Variants in RAB3IP observed in about 807,000 individuals in gnomAD.
RAB3IP encodes RAB3A interacting protein, also known as rab-3A-interacting protein.
Under a neutral mutation model 59.1 loss-of-function variants are expected in RAB3IP, and 36 were observed. The observed-to-expected ratio is 0.61, with a 90% CI of 0.47 to 0.80. RAB3IP has a LOEUF of 0.80. RAB3IP is among the 30% of genes least tolerant of loss of function. The probability of loss-of-function intolerance (pLI) is 0.00; values close to 1 mark genes in which losing one functional copy is unlikely to be tolerated. For synonymous variants in RAB3IP, 207 were observed against 191.2 expected (o/e 1.08, Z -0.68); for missense variants, 511 against 536.0 (o/e 0.95, Z 0.46).
chr12:69,784,586 A>G (rs1398301595), intron 3 of RAB3IP, 134 bp from the exon 4 acceptor site: 2 of 382,328 alleles, frequency 5.2e-6, no homozygotes, highest in Admixed American at 8.9e-5. Flanking sequence ...GGTGCTAGAT[A>G]AATACTTTCA....
intron 3 of RAB3IP, among the ~76,000 whole-genome samples, chr12:69,780,549 C>G (rs1874519876): frequency 6.6e-6 from 1 of 152,210 alleles, no homozygotes; most frequent in South Asian, 2.1e-4. Flanking sequence ...AGAGTGGGAT[C>G]CTTTAGGACC....
In RAB3IP at chr12:69,801,718, C is replaced by T. The variant is rs185097482; in HGVS notation, c.1127C>T (p.Pro376Leu). The stretch of plus-strand genomic sequence containing the variant: ...GCTTCTGCAGTTGAATGCGGAGGAC[C>T]AAAGTAGGTTTTTACGTGCATGAAC... Reference protein sequence around the residue: ...VKASAVECGGPKKCALTGQSK... With the variant: ...VKASAVECGGLKKCALTGQSK... The change falls in exon 8 of 11, where the codon CCA becomes CTA. Residue 376 changes from proline (P) to leucine (L), a missense_variant. Pro to Leu is a moderately conservative substitution (Grantham distance 98, BLOSUM62 -3). Transcript: ENST00000247833. The T allele has an allele frequency of 1.9e-6, 3 of 1,599,362 alleles. No homozygotes were observed. The highest frequency in any genetic ancestry group is 2.7e-5 in the African/African-American group (2 of 74,558).
At chr12:69,760,262 A>G (rs916310583) in intron 3 of RAB3IP, among the ~76,000 whole-genome samples, 1 of 152,242 alleles carries the variant, frequency 6.6e-6, no homozygotes, top group African/African-American at 2.4e-5. Context: ...CGCCTGCAAT[A>G]GCAGGCACTC....
intron 8 of RAB3IP, among the ~76,000 whole-genome samples, chr12:69,810,247 G>C (rs966705584): frequency 6.6e-6 from 1 of 152,284 alleles, no homozygotes; most frequent in East Asian, 1.9e-4. Flanking sequence ...CTGCCTGATC[G>C]TTCCTCTGGA....
At chr12:69,759,369 T>C (rs1870817096) in intron 3 of RAB3IP, among the ~76,000 whole-genome samples, 1 of 152,082 alleles carries the variant, frequency 6.6e-6, no homozygotes, top group Admixed American at 6.5e-5. Flanking sequence ...AAATGAAGTC[T>C]CCTATGTCTA....
intron 1 of RAB3IP, among the ~76,000 whole-genome samples, chr12:69,740,410 T>A (rs1238501880): frequency 6.6e-6 from 1 of 152,268 alleles, no homozygotes; most frequent in Admixed American, 6.5e-5. Flanking sequence ...GTGGAATTTA[T>A]AGAAATAAAC....
chr12:69,747,270 A>T (rs1056000576), intron 1 of RAB3IP, among the ~76,000 whole-genome samples: 1 of 151,484 alleles, frequency 6.6e-6, no homozygotes, highest in Non-Finnish European at 1.5e-5. Context: ...GGAGATAGGT[A>T]CAGTTTTCTC....
At chr12:69,789,814 A>G (rs79282615) in intron 4 of RAB3IP, among the ~76,000 whole-genome samples, 3,226 of 152,304 alleles carry the variant, frequency 0.021, 118 homozygotes, top group African/African-American at 0.073. Flanking sequence ...AACCACAGTA[A>G]TAGAATGATA....
intron 1 of RAB3IP, among the ~76,000 whole-genome samples, chr12:69,745,734 C>T (rs1252445740): frequency 5.3e-5 from 8 of 152,110 alleles, no homozygotes; most frequent in Middle Eastern, 3.4e-3. Context: ...TAGGTATACA[C>T]GTGCCATGGT....
chr12:69,767,108 C>G (rs988061725), intron 3 of RAB3IP, among the ~76,000 whole-genome samples: 1 of 152,172 alleles, frequency 6.6e-6, no homozygotes, highest in Non-Finnish European at 1.5e-5. Context: ...GATTGCACTT[C>G]TAATTTTTGT....
At chr12:69,793,701 T>C (rs1382628735) in intron 4 of RAB3IP, among the ~76,000 whole-genome samples, 2 of 152,228 alleles carry the variant, frequency 1.3e-5, no homozygotes, top group African/African-American at 2.4e-5. Context: ...TCCGATGTTT[T>C]ATTTGGTTAA....
intron 1 of RAB3IP, among the ~76,000 whole-genome samples, chr12:69,754,315 A>G (rs1321083095): frequency 6.9e-6 from 1 of 145,374 alleles, no homozygotes; most frequent in African/African-American, 2.6e-5. Flanking sequence ...TGTACTTAGG[A>G]TACACACACA....
chr12:69,738,744 G>T (rs1052351050), upstream of RAB3IP: 1 of 151,850 alleles, frequency 6.6e-6, no homozygotes, highest in Admixed American at 6.5e-5. Context: ...AAGCGCGTCC[G>T]CCCCCAGGCC....
chr12:69,783,587 G>A (rs902380418), intron 3 of RAB3IP, among the ~76,000 whole-genome samples: 4 of 152,192 alleles, frequency 2.6e-5, no homozygotes, highest in African/African-American at 9.7e-5. Context: ...GCTGCCTATA[G>A]GACTGACTAT....
chr12:69,801,557 T>G, intron 7 of RAB3IP, 52 bp from the exon 8 acceptor site: 1 of 1,131,646 alleles, frequency 8.8e-7, no homozygotes, highest in Non-Finnish European at 1.3e-6. Context: ...AGAATACAAT[T>G]TTGATATTTT....
chr12:69,802,185 G>A (rs1878494684), intron 8 of RAB3IP, among the ~76,000 whole-genome samples: 1 of 151,546 alleles, frequency 6.6e-6, no homozygotes, highest in Non-Finnish European at 1.5e-5. Context: ...ATGTGTCCTG[G>A]GTTTCTGTAT....
chr12:69,740,527 GTGTT>G (rs982283106), intron 1 of RAB3IP, among the ~76,000 whole-genome samples: 5 of 152,148 alleles, frequency 3.3e-5, no homozygotes, highest in Non-Finnish European at 5.9e-5. Context: ...GTGAACCAAA[GTGTT>G]TGATACAACT....
intron 8 of RAB3IP, among the ~76,000 whole-genome samples, chr12:69,809,468 TCTC>T (rs1235891121): frequency 1.3e-5 from 2 of 152,210 alleles, no homozygotes; most frequent in Non-Finnish European, 2.9e-5. Context: ...TTGGGGAAGT[TCTC>T]CTGGATAATA....
At chr12:69,782,309 C>T (rs1350179568) in intron 3 of RAB3IP, among the ~76,000 whole-genome samples, 3 of 152,140 alleles carry the variant, frequency 2.0e-5, no homozygotes, top group African/African-American at 4.8e-5. Context: ...GGATTACAGG[C>T]ACGCGCCACC....
Sources: gnomAD v4.1 joint callset for allele counts (sites outside exome capture counted in the v4.1 genomes callset) on GRCh38, gnomAD v4.1.1 for gene constraint, MANE v1.5 for transcripts, NCBI Gene and HGNC (gene_info 2026-07-23, HGNC 2026-07-21) for gene names.